CBFA2T3: variants seen among roughly 807,000 people sequenced by gnomAD.
The protein encoded by CBFA2T3 is transcriptional corepressor CBFA2T3.
Under a neutral mutation model 58.6 loss-of-function variants are expected in CBFA2T3, and 31 were observed. That is an observed-to-expected ratio of 0.53 (90% CI 0.40 to 0.71). The LOEUF is 0.71. Ranked by LOEUF, CBFA2T3 falls within the 30% of genes least tolerant of loss-of-function variation. CBFA2T3 has a pLI of 0.00. For missense variants in CBFA2T3, 1,076 were observed against 963.1 expected (o/e 1.12, Z -1.55); for synonymous variants, 531 against 421.9 (o/e 1.26, Z -3.17).
intron 1 of CBFA2T3, among the ~76,000 whole-genome samples, chr16:88,906,377 C>T (rs1455199212): frequency 6.6e-6 from 1 of 152,252 alleles, no homozygotes; most frequent in Non-Finnish European, 1.5e-5. Flanking sequence ...GCGAACCACA[C>T]AGGAAGAGGC....
At chr16:88,897,507 A>C (rs1969935227) in intron 3 of CBFA2T3, among the ~76,000 whole-genome samples, 2 of 152,246 alleles carry the variant, frequency 1.3e-5, no homozygotes, top group African/African-American at 4.8e-5. Context: ...GCACGTTGAC[A>C]GAAACGTCTG....
Position 88,892,296 on chromosome 16 carries a change from T to C in CBFA2T3, c.569A>G (p.Asp190Gly). 6.2e-7 allele frequency: 1 copy of C among 1,612,800 alleles called. No individual in the cohort carries two copies. Among genetic ancestry groups the C allele is most frequent in the Non-Finnish European group, 8.5e-7 (1 of 1,179,972 alleles). The change falls in exon 4 of 12, where the codon GAC becomes GGC. Residue 190 changes from aspartate to glycine, a missense_variant. Transcript: ENST00000268679. ...GCGCTCCCCAATCTCTGGGGAGATG[T>C]CGCTGCCAAACTGCTGCAGTGTGGT... Reference protein sequence around the residue: ...FLTTLQQFGSDISPEIGERVR... With the variant: ...FLTTLQQFGSGISPEIGERVR...
chr16:88,915,173 T>C, intron 1 of CBFA2T3, among the ~76,000 whole-genome samples: 1 of 95,382 alleles, frequency 1.0e-5, no homozygotes, highest in Non-Finnish European at 2.0e-5. Context: ...ATCCGTGTGC[T>C]GGGGGTGCCG....
chr16:88,898,227 G>A lies in CBFA2T3; in HGVS notation c.305-75C>T, dbSNP rs2142621983. 4 of 1,146,318 alleles carry A rather than the reference G, an allele frequency of 3.5e-6. 1 individual carries two copies. Among genetic ancestry groups the A allele is most frequent in the Middle Eastern group, 5.2e-4 (2 of 3,848 alleles). 71.0% of individuals were successfully genotyped at this position (1,146,318 alleles called of 1,614,324 possible). Reference sequence around the variant, plus strand: ...GACTCTGCCCTCAGGGGCGCCCGCGGCCACCTTTTCCTACTTCTCAGAGTG... The same window carrying A: ...GACTCTGCCCTCAGGGGCGCCCGCGACCACCTTTTCCTACTTCTCAGAGTG... On this transcript the variant is annotated intron_variant, in intron 2 of 11. Transcript: ENST00000268679.
At chr16:88,969,840 C>T (rs1198101754) in intron 1 of CBFA2T3, among the ~76,000 whole-genome samples, 2 of 151,958 alleles carry the variant, frequency 1.3e-5, no homozygotes, top group Admixed American at 6.5e-5. Flanking sequence ...TGGGGGGTTG[C>T]GATTTGGCAG....
intron 8 of CBFA2T3, 172 bp from the exon 9 acceptor site, chr16:88,881,661 C>A: frequency 1.6e-6 from 1 of 638,866 alleles, no homozygotes; most frequent in Non-Finnish European, 2.6e-6. Flanking sequence ...AAGATGGGTC[C>A]CTAGCCTGGG....
chr16:88,970,507 C>T (rs543670492), intron 1 of CBFA2T3, among the ~76,000 whole-genome samples: 116 of 152,334 alleles, frequency 7.6e-4, no homozygotes, highest in African/African-American at 2.6e-3. Flanking sequence ...GGCTGGTTTC[C>T]TGACCTTTCT....
chr16:88,891,131 C>A (rs1296852867), intron 5 of CBFA2T3, among the ~76,000 whole-genome samples: 1 of 152,066 alleles, frequency 6.6e-6, no homozygotes, highest in Non-Finnish European at 1.5e-5. Flanking sequence ...TCGGCCTGCG[C>A]AGCCACAGAA....
At chr16:88,912,820 G>A (rs1309055721) in intron 1 of CBFA2T3, among the ~76,000 whole-genome samples, 15 of 152,226 alleles carry the variant, frequency 9.9e-5, no homozygotes, top group Admixed American at 9.8e-4. Flanking sequence ...TTGAATCGAG[G>A]CCTGTCCCCT....
intron 8 of CBFA2T3, among the ~76,000 whole-genome samples, chr16:88,882,302 G>C (rs985688523): frequency 6.6e-6 from 1 of 152,216 alleles, no homozygotes; most frequent in African/African-American, 2.4e-5. Flanking sequence ...GTGGCTGTGT[G>C]GGGACATGGC....
chr16:88,918,998 A>G (rs1970828446), intron 1 of CBFA2T3, among the ~76,000 whole-genome samples: 1 of 152,264 alleles, frequency 6.6e-6, no homozygotes, highest in Non-Finnish European at 1.5e-5. Context: ...GCTAGCCTTA[A>G]TAAAGAAATC....
chr16:88,913,393 G>C (rs1253508526), intron 1 of CBFA2T3, among the ~76,000 whole-genome samples: 3 of 152,272 alleles, frequency 2.0e-5, no homozygotes, highest in Non-Finnish European at 4.4e-5. Flanking sequence ...AGCCAAAGAA[G>C]GGTGGTTGCT....
At position 88,956,797 on chromosome 16, in the gene CBFA2T3, C is replaced by T. The variant is rs149545119; in HGVS notation, c.151+19860G>A. 7.1e-3 allele frequency among the ~76,000 whole-genome samples: 1,080 copies of T among 152,294 alleles called. 7 individuals are homozygous for T. The highest frequency in any genetic ancestry group is 9.5e-3 in the Non-Finnish European group (649 of 68,004). On this transcript the variant is annotated intron_variant, in intron 1 of 11. Coordinates refer to ENST00000268679, the MANE Select transcript of CBFA2T3 (RefSeq NM_005187.6). ...TTCCTGACCGAGTTTGGAACTGGAC[C>T]GCATGGCCCTTGCCCTCCCTCTGTG... is the stretch of plus-strand genomic sequence containing the variant.
intron 1 of CBFA2T3, among the ~76,000 whole-genome samples, chr16:88,960,100 C>T (rs565269624): frequency 2.0e-5 from 3 of 152,070 alleles, no homozygotes; most frequent in Non-Finnish European, 4.4e-5. Context: ...CTGTTTCCCT[C>T]AGATGATTTT....
intron 1 of CBFA2T3, among the ~76,000 whole-genome samples, chr16:88,907,364 C>T (rs1381685563): frequency 6.6e-6 from 1 of 150,660 alleles, no homozygotes; most frequent in Non-Finnish European, 1.5e-5. Flanking sequence ...TGAGGTCCTC[C>T]TGCTGGGGTG....
chr16:88,885,870 C>T lies in CBFA2T3; in HGVS notation c.893+91G>A, dbSNP rs1350614779. 4.2e-6 allele frequency: 5 copies of T among 1,193,958 alleles called. 1 individual carries two copies. The East Asian group carries it at 7.7e-5, about 18-fold the overall frequency. The allele number at this position is 1,193,958 out of a possible 1,614,324, so 74.0% of individuals were successfully genotyped here. A position where few individuals can be genotyped will look rare whatever the true frequency, so the allele number is the denominator to read the frequency against. ...GAGCCGGCCGGGCTGGCTGCAGCCC[C>T]AGAGGAGGTTCCCTCTCTTACCCAG... On this transcript the variant is annotated intron_variant, in intron 6 of 11. Transcript: ENST00000268679. The surrounding 1 kb of genome is among the most constrained non-coding windows in gnomAD (Gnocchi z 5.3).
chr16:88,961,068 C>G (rs1353874419), intron 1 of CBFA2T3, among the ~76,000 whole-genome samples: 2 of 152,228 alleles, frequency 1.3e-5, no homozygotes, highest in Non-Finnish European at 2.9e-5. Context: ...TGTCTGAGGT[C>G]TCGCTGTGGG....
intron 1 of CBFA2T3, among the ~76,000 whole-genome samples, chr16:88,931,374 A>G (rs1172944656): frequency 6.6e-6 from 1 of 151,458 alleles, no homozygotes; most frequent in Admixed American, 6.6e-5. Context: ...GCTGCAAACA[A>G]CCCCCTTCCA....
Position 88,881,402 on chromosome 16 carries a change from G to A in CBFA2T3, c.1291C>T (p.Leu431Phe). 1 of 1,605,406 alleles carries A rather than the reference G, an allele frequency of 6.2e-7. No individual in the cohort carries two copies. Among genetic ancestry groups the A allele is most frequent in the Non-Finnish European group, 8.5e-7 (1 of 1,177,238 alleles). The stretch of plus-strand genomic sequence containing the variant: ...CTGTAGCGCCGCGCCCAGTGGTTGA[G>A]CTCCTCGCGGTCGGCCTCCTGGCAC... Reference protein sequence around the residue: ...RRCQEADREELNHWARRYSDA... With the variant: ...RRCQEADREEFNHWARRYSDA... The change falls in exon 9 of 12, where the codon CTC (leucine) becomes TTC (phenylalanine). Residue 431 changes from leucine (L) to phenylalanine (F), a missense_variant. Transcript: ENST00000268679.
Sources: allele counts gnomAD v4.1 joint callset (sites outside exome capture counted in the v4.1 genomes callset), GRCh38; gene constraint gnomAD v4.1.1; non-coding constraint Gnocchi (gnomAD v3.1); transcripts MANE v1.5; gene names NCBI Gene and HGNC (gene_info 2026-07-23, HGNC 2026-07-21).